PRAMEF2: variants seen among roughly 807,000 people sequenced by gnomAD.
PRAMEF2 encodes PRAME family member 2.
PRAMEF2 carries 35 observed loss-of-function variants against 38.0 expected under a neutral mutation model. That is an observed-to-expected ratio of 0.92 (90% CI 0.70 to 1.22). The LOEUF is 1.22. Among genes scored for constraint, PRAMEF2 ranks in the 50% most tolerant of loss-of-function variants. The probability of loss-of-function intolerance (pLI) is 0.00; values close to 1 mark genes in which losing one functional copy is unlikely to be tolerated. For missense variants in PRAMEF2, 562 were observed against 553.9 expected, an observed-to-expected ratio of 1.01 and a Z score of -0.15; for synonymous variants, 240 against 232.4, an observed-to-expected ratio of 1.03 and a Z score of -0.30.
intron 3 of PRAMEF2, among the ~76,000 whole-genome samples, chr1:12,860,475 A>C (rs58607521): frequency 0.044 from 6,578 of 149,232 alleles, 93 homozygotes; most frequent in East Asian, 0.22. Flanking sequence ...CAGAGGGGTC[A>C]CCTGGGGTAG....
In PRAMEF2 at chr1:12,860,161, G is replaced by C; in HGVS notation, c.756G>C (p.Glu252Asp). The change falls in exon 3 of 4, where the codon GAG becomes GAC. Residue 252 changes from glutamate to aspartate, a missense_variant. Physicochemically the swap from Glu to Asp is conservative, Grantham distance 45. Coordinates refer to ENST00000240189, the MANE Select transcript of PRAMEF2 (RefSeq NM_023014.1). Reference sequence around the variant, plus strand: ...ATTACACGTCAGATAATGAACTCGAGGGATGGTTAGTCACCAGATTCACCT... The same window carrying C: ...ATTACACGTCAGATAATGAACTCGACGGATGGTTAGTCACCAGATTCACCT... The part of the protein sequence containing the change: ...CHHYTSDNEL[E>D]GWLVTRFTSV... 6.2e-7 allele frequency: 1 copy of C among 1,605,776 alleles called. No homozygotes were observed.
At position 12,861,582 on chromosome 1, in the gene PRAMEF2, G is replaced by A; in HGVS notation, c.1228G>A (p.Glu410Lys). 6.2e-7 allele frequency: 1 copy of A among 1,604,756 alleles called. No homozygotes were observed. Among genetic ancestry groups the A allele is most frequent in the South Asian group, 1.1e-5 (1 of 90,576 alleles). The change falls in exon 4 of 4, where the codon GAG (glutamate) becomes AAG (lysine). Residue 410 changes from glutamate to lysine, a missense_variant. Glu to Lys is a moderately conservative substitution (Grantham distance 56). Around this residue, in one of 2 missense-constraint regions of PRAMEF2, gnomAD observed 76 missense variants for 109.6 expected, o/e 0.69. Transcript: ENST00000240189. ...CAGTGGGCTGAGCAAGTTAAGCCTG[G>A]AGACGTATCCTGCCCCTGAGGAGAG... is the stretch of plus-strand genomic sequence containing the variant. ...HTSGLSKLSL[E>K]TYPAPEESLN...
intron 3 of PRAMEF2, among the ~76,000 whole-genome samples, chr1:12,860,526 GT>G (rs111389000): frequency 0.14 from 21,288 of 149,526 alleles, 2,575 homozygotes; most frequent in African/African-American, 0.24. Context: ...GTCAGTGGGG[GT>G]TTCAGCTCTA....
Position 12,860,007 on chromosome 1 carries a change from T to G in PRAMEF2, c.602T>G (p.Ile201Arg), listed in dbSNP as rs764325968. Reference sequence around the variant, plus strand: ...AAATATCTCAGAAAGTCATTGAAAATAATATACATTAATAGTATTGGGGAG... The same window carrying G: ...AAATATCTCAGAAAGTCATTGAAAAGAATATACATTAATAGTATTGGGGAG... ...PIKYLRKSLK[I>R]IYINSIGELE... The change falls in exon 3 of 4, where the codon ATA becomes AGA. Residue 201 changes from isoleucine (I) to arginine (R), a missense_variant. Around this residue, in one of 2 missense-constraint regions of PRAMEF2, gnomAD observed 486 missense variants for 444.2 expected, o/e 1.09. Coordinates refer to ENST00000240189, the MANE Select transcript of PRAMEF2 (RefSeq NM_023014.1). The G allele has an allele frequency of 6.2e-7, 1 of 1,607,088 alleles. No individual in the cohort carries two copies. Among genetic ancestry groups the G allele is most frequent in the Admixed American group, 1.7e-5 (1 of 58,192 alleles).
At position 12,858,224 on chromosome 1, in the gene PRAMEF2, C is replaced by G. The variant is rs11122008; in HGVS notation, c.-25-761C>G. On this transcript the variant is annotated intron_variant, in intron 1 of 3. Transcript: ENST00000240189. ...TAGCTAGGATTACAGTCATGCATGA[C>G]CACACCTGGCTAATATTTAAATTAA... 1.4e-3 allele frequency among the ~76,000 whole-genome samples: 208 copies of G among 149,684 alleles called. 15 individuals carry two copies. The highest frequency in any genetic ancestry group is 3.5e-3 in the African/African-American group (143 of 40,856).
intron 1 of PRAMEF2, among the ~76,000 whole-genome samples, chr1:12,858,275 G>A (rs941649880): frequency 6.7e-6 from 1 of 149,838 alleles, no homozygotes; most frequent in Non-Finnish European, 1.5e-5. Flanking sequence ...GTTTATTTTT[G>A]AGTCAGAGTC....
At chr1:12,859,413 G>A in intron 2 of PRAMEF2, 117 bp downstream of exon 2, 1 of 1,552,026 alleles carries the variant, frequency 6.4e-7, no homozygotes, top group Non-Finnish European at 8.7e-7. Context: ...TGTTGGCGAG[G>A]AAGCTCAGGG....
chr1:12,861,305 A>C lies in PRAMEF2; in HGVS notation c.951A>C (p.Pro317=), dbSNP rs754250403. 35 of 1,607,100 alleles carry C rather than the reference A, an allele frequency of 2.2e-5. 2 individuals are homozygous for C. The highest frequency in any genetic ancestry group is 3.0e-5 in the Non-Finnish European group (35 of 1,176,704). ...ACTTGAAGTGTCTCTCCCAGTTCCC[A>C]AGCCTCGGTTACCTAAAGCATCTGA... ...EEDLKCLSQF[P]SLGYLKHLNL... Residue 317 remains proline, a synonymous_variant, in exon 4 of 4, where the codon CCA becomes CCC. Transcript: ENST00000240189.
chr1:12,860,712 C>T (rs900105889), intron 3 of PRAMEF2, among the ~76,000 whole-genome samples: 1 of 150,244 alleles, frequency 6.7e-6, no homozygotes, highest in Non-Finnish European at 1.5e-5. Context: ...TCTTTAATTC[C>T]CTGTCTGCAA....
At chr1:12,858,130 C>T (rs1640476551) in intron 1 of PRAMEF2, among the ~76,000 whole-genome samples, 1 of 149,742 alleles carries the variant, frequency 6.7e-6, no homozygotes, top group Non-Finnish European at 1.5e-5. Flanking sequence ...GAGTGCAGGG[C>T]CCTGAGCTGG....
At chr1:12,858,902 A>G (rs1308487177) in intron 1 of PRAMEF2, 83 bp from the exon 2 acceptor site, 2 of 1,458,242 alleles carry the variant, frequency 1.4e-6, no homozygotes, top group African/African-American at 1.4e-5. Flanking sequence ...CCTCTACCAG[A>G]GCAATGATAT....
Position 12,860,097 on chromosome 1 carries a change from TG to T in PRAMEF2, c.693del (p.Met231IlefsTer25). 6.2e-7 allele frequency: 1 copy of T among 1,606,566 alleles called. No individual in the cohort carries two copies. The highest frequency in any genetic ancestry group is 8.5e-7 in the Non-Finnish European group (1 of 1,176,290). ...AAGCTTTATTGTTACCTGAAGGAGA[TG>T]AAGACTCTTTGCAAACTCGTTTTCT... Reference protein sequence around the residue: ...IRKLYCYLKEMKTLCKLVFSR... With the variant: ...IRKLYCYLKEXKTLCKLVFSR... On this transcript the variant is annotated frameshift_variant, in exon 3 of 4. Transcript: ENST00000240189. LOFTEE classifies it high-confidence loss of function.
intron 3 of PRAMEF2, among the ~76,000 whole-genome samples, chr1:12,860,501 A>C (rs1015651853): frequency 6.8e-5 from 10 of 148,020 alleles, no homozygotes; most frequent in African/African-American, 2.5e-4. Context: ...AGAGAGGGAC[A>C]TCATGTACAA....
chr1:12,860,046 A>G lies in PRAMEF2; in HGVS notation c.641A>G (p.Asn214Ser). ...INSIGELEIH[N>S]TCWPHLIRKL... ...AGTATTGGGGAGCTGGAAATTCACAACACGTGCTGGCCACATCTGATAAGA... is the reference window on the plus strand; with the variant it reads ...AGTATTGGGGAGCTGGAAATTCACAGCACGTGCTGGCCACATCTGATAAGA... The change falls in exon 3 of 4, where the codon AAC (asparagine) becomes AGC (serine). Residue 214 changes from asparagine (N) to serine (S), a missense_variant. Around this residue, in one of 2 missense-constraint regions of PRAMEF2, gnomAD observed 486 missense variants for 444.2 expected, o/e 1.09. Coordinates refer to ENST00000240189, the MANE Select transcript of PRAMEF2 (RefSeq NM_023014.1). The G allele has an allele frequency of 6.2e-7, 1 of 1,606,816 alleles. No homozygotes were observed. Among genetic ancestry groups the G allele is most frequent in the South Asian group, 1.1e-5 (1 of 90,490 alleles).
chr1:12,858,132 C>G (rs2100387384), intron 1 of PRAMEF2, among the ~76,000 whole-genome samples: 1 of 150,004 alleles, frequency 6.7e-6, no homozygotes, highest in Non-Finnish European at 1.5e-5. Context: ...GTGCAGGGCC[C>G]TGAGCTGGGC....
intron 3 of PRAMEF2, among the ~76,000 whole-genome samples, chr1:12,860,793 G>A (rs1640534649): frequency 1.3e-5 from 2 of 150,048 alleles, no homozygotes; most frequent in Non-Finnish European, 3.0e-5. Context: ...AGGTGAGGGA[G>A]TAGGCGTGAG....
intron 2 of PRAMEF2, 87 bp from the exon 3 acceptor site, chr1:12,859,606 A>C: frequency 6.4e-7 from 1 of 1,572,560 alleles, no homozygotes; most frequent in Non-Finnish European, 8.7e-7. Flanking sequence ...TGAGGACAGG[A>C]GCAGCTGATT....
intron 1 of PRAMEF2, among the ~76,000 whole-genome samples, chr1:12,858,540 G>A (rs5028812): frequency 0.047 from 7,007 of 149,688 alleles, 106 homozygotes; most frequent in East Asian, 0.22. Flanking sequence ...AAAAATAATG[G>A]CATCGATTTT....
Position 12,861,237 on chromosome 1 carries a change from T to C in PRAMEF2, c.883T>C (p.Leu295=). 1.2e-6 allele frequency: 2 copies of C among 1,607,448 alleles called. No individual in the cohort carries two copies. Among genetic ancestry groups the C allele is most frequent in the Non-Finnish European group, 1.7e-6 (2 of 1,176,576 alleles). Reference sequence around the variant, plus strand: ...TCTCCACAGGTGCCTCCAGAACCCCTTGGAGAACTTGGAATTAACTTGTGG... The same window carrying C: ...TCTCCACAGGTGCCTCCAGAACCCCCTGGAGAACTTGGAATTAACTTGTGG... ...EQLIRCLQNP[L]ENLELTCGNL... Residue 295 remains leucine, a synonymous_variant, in exon 4 of 4, where the codon TTG becomes CTG. Coordinates refer to ENST00000240189, the MANE Select transcript of PRAMEF2 (RefSeq NM_023014.1).
Sources: allele counts gnomAD v4.1 joint callset (sites outside exome capture counted in the v4.1 genomes callset), GRCh38; gene constraint gnomAD v4.1.1; regional missense constraint gnomAD v4.1.1; transcripts MANE v1.5; gene names NCBI Gene and HGNC (gene_info 2026-07-23, HGNC 2026-07-21).